Variants in NBPF14 observed in about 807,000 individuals in gnomAD.
NBPF14 encodes NBPF member 14.
NBPF14 carries 104 observed loss-of-function variants against 91.2 expected under a neutral mutation model. The observed-to-expected ratio is 1.14, with a 90% CI of 0.97 to 1.34. The LOEUF (loss-of-function observed/expected upper bound fraction) is 1.34. Among genes scored for constraint, NBPF14 ranks in the 40% most tolerant of loss-of-function variants. The pLI, the probability that NBPF14 is intolerant of heterozygous loss-of-function variation, is 0.00. For synonymous variants in NBPF14, 294 were observed against 303.8 expected (o/e 0.97, Z 0.34); for missense variants, 908 against 783.0 (o/e 1.16, Z -1.91).
At chr1:148,535,796 GC>G (rs1476693259) in intron 67 of NBPF14, among the ~76,000 whole-genome samples, 1 of 125,838 alleles carries the variant, frequency 7.9e-6, no homozygotes, top group Non-Finnish European at 1.7e-5. Flanking sequence ...TAAAGCAAAT[GC>G]CCCCAAATGG....
rs1269169230 is a variant in NBPF14 at position 148,566,874 on chromosome 1, T to A, written c.3542+78A>T. On this transcript the variant is annotated intron_variant, in intron 28 of 70. Transcript: ENST00000619423. ...GGTTGAAAAGATGTAATCGATAATG[T>A]CAGCCCGCTCTGTTTTCCCTGAACC... The A allele has an allele frequency of 1.3e-4, 31 of 247,546 alleles. 1 individual carries two copies. In the African/African-American group the frequency reaches 1.4e-3, roughly 12 times the overall value. The allele number at this position is 247,546 out of a possible 1,614,324, so 15.3% of individuals were successfully genotyped here. A position where few individuals can be genotyped will look rare whatever the true frequency, so the allele number is the denominator to read the frequency against.
In NBPF14 at chr1:148,534,591, C is replaced by T. The variant is rs1273699681; in HGVS notation, c.8614+93G>A. On this transcript the variant is annotated intron_variant, in intron 69 of 70. Transcript: ENST00000619423. ...TAGGTCCTGCCTGCGGCAATGACAT[C>T]TCTCGGGTGAGTAAGGGCCACTTGG... The T allele has an allele frequency of 3.8e-5, 33 of 861,586 alleles. No individual in the cohort carries two copies. The East Asian group carries it at 4.3e-4, about 11-fold the overall frequency. 53.4% of individuals were successfully genotyped at this position (861,586 alleles called of 1,614,324 possible).
At chr1:148,535,198 A>G (rs1197740810) in intron 68 of NBPF14, among the ~76,000 whole-genome samples, 1 of 149,942 alleles carries the variant, frequency 6.7e-6, no homozygotes, top group Non-Finnish European at 1.5e-5. Flanking sequence ...ATAATTTTCC[A>G]TAAACTTGCT....
rs1657709203 is a variant in NBPF14, at chr1:148,561,392, T to G, written c.4447+15A>C. 4 of 296,874 alleles carry G rather than the reference T, an allele frequency of 1.3e-5. No individual in the cohort carries two copies. The highest frequency in any genetic ancestry group is 2.3e-5 in the Non-Finnish European group (4 of 176,378). 18.4% of individuals were successfully genotyped at this position (296,874 alleles called of 1,614,324 possible). On this transcript the variant is annotated intron_variant, in intron 35 of 70. Coordinates refer to ENST00000619423, the Ensembl canonical transcript of NBPF14. ...ACTCAGTGGATCCTCATCACCTTCATAGAAAGGTACTCACCTCCCACGTCA... is the reference window on the plus strand; with the variant it reads ...ACTCAGTGGATCCTCATCACCTTCAGAGAAAGGTACTCACCTCCCACGTCA...
chr1:148,534,201 C>G (rs1409939257), intron 69 of NBPF14, among the ~76,000 whole-genome samples: 4 of 150,578 alleles, frequency 2.7e-5, no homozygotes, highest in African/African-American at 9.8e-5. Flanking sequence ...ATCCCAATAT[C>G]ATTTGTCCCA....
chr1:148,567,092 C>G, intron 27 of NBPF14, 89 bp from the exon 28 acceptor site: 3 of 163,526 alleles, frequency 1.8e-5, no homozygotes, highest in Admixed American at 2.3e-4. Context: ...ACAGGGATCT[C>G]AGGCTCCTCA....
chr1:148,577,072 C>T, intron 15 of NBPF14, 111 bp downstream of exon 15: 6 of 676,456 alleles, frequency 8.9e-6, no homozygotes, highest in South Asian at 5.0e-5. Context: ...CCTATAGGTT[C>T]TCCCTGTGGC....
chr1:148,577,429 G>A lies in NBPF14; in HGVS notation c.1854-74C>T, dbSNP rs1331353619. 9.1e-6 allele frequency: 6 copies of A among 660,740 alleles called. 1 individual carries two copies. The highest frequency in any genetic ancestry group is 1.7e-5 in the Non-Finnish European group (6 of 361,926). 40.9% of individuals were successfully genotyped at this position (660,740 alleles called of 1,614,324 possible). ...CACACAGCCCCAGCTAGATTTCATG[G>A]CTAACGTAAGGAAGAGTTTGAAAAG... On this transcript the variant is annotated intron_variant, in intron 14 of 70. Coordinates refer to ENST00000619423, the Ensembl canonical transcript of NBPF14.
At chr1:148,577,486 A>G (rs1162294617) in intron 14 of NBPF14, 131 bp from the exon 15 acceptor site, 5 of 705,272 alleles carry the variant, frequency 7.1e-6, no homozygotes, top group Non-Finnish European at 1.3e-5. Flanking sequence ...GAGGTAACAA[A>G]TTATTGCCTT....
Position 148,533,197 on chromosome 1 carries a change from T to A in NBPF14, c.8775A>T (p.Ser2925=). ...ACGGAGTCGAATAACATCTATCCAGTGAGTCCTGTAAGACTTCACGCTCTT... is the reference window on the plus strand; with the variant it reads ...ACGGAGTCGAATAACATCTATCCAGAGAGTCCTGTAAGACTTCACGCTCTT... The change falls in exon 71 of 71, where the codon TCA becomes TCT. Residue 2925 remains serine (S), a synonymous_variant. Coordinates refer to ENST00000619423, the Ensembl canonical transcript of NBPF14. The A allele has an allele frequency of 1.6e-5, 11 of 684,524 alleles. No homozygotes were observed. The South Asian group carries it at 2.0e-4, about 12-fold the overall frequency. 42.4% of individuals were successfully genotyped at this position (684,524 alleles called of 1,614,324 possible). A position where few individuals can be genotyped will look rare whatever the true frequency, so the allele number is the denominator to read the frequency against.
At chr1:148,577,702 C>G (rs1266359336) in intron 14 of NBPF14, among the ~76,000 whole-genome samples, 2 of 145,556 alleles carry the variant, frequency 1.4e-5, no homozygotes, top group Non-Finnish European at 3.0e-5. Context: ...AGCATGTCCT[C>G]AATAATTTTG....
chr1:148,577,817 A>G (rs1660204407), intron 14 of NBPF14, among the ~76,000 whole-genome samples, 166 bp downstream of exon 14: 2 of 138,528 alleles, frequency 1.4e-5, no homozygotes, highest in Admixed American at 7.3e-5. Context: ...GAAGAAATGG[A>G]AACCTAAACA....
At position 148,559,978 on chromosome 1, in the gene NBPF14, A is replaced by T; in HGVS notation, c.4557-13T>A. On this transcript the variant is annotated splice_polypyrimidine_tract_variant and intron_variant, in intron 36 of 70. Transcript: ENST00000619423. ...CTCCCTGCTGAGCCTGGAAAAGTGG[A>T]AAAAAGTAAAGAATAAGCCAGGGGG... 2.7e-6 allele frequency: 3 copies of T among 1,098,270 alleles called. No individual in the cohort carries two copies. The highest frequency in any genetic ancestry group is 3.8e-6 in the Non-Finnish European group (3 of 789,214). 68.0% of individuals were successfully genotyped at this position (1,098,270 alleles called of 1,614,324 possible).
At chr1:148,587,302 T>A in exon 8 of NBPF14, 1 of 1,578,244 alleles carries the variant, frequency 6.3e-7, no homozygotes, top group Non-Finnish European at 8.7e-7. Context: ...TCCCCTCACC[T>A]GAGCTCCTCA....
intron 9 of NBPF14, among the ~76,000 whole-genome samples, chr1:148,585,566 C>A (rs1456603822): frequency 6.7e-6 from 1 of 149,502 alleles, no homozygotes; most frequent in Non-Finnish European, 1.5e-5. Flanking sequence ...GTTTGCATTT[C>A]AAACCTCATT....
chr1:148,533,988 T>C lies in NBPF14; in HGVS notation c.8615-19A>G, dbSNP rs1180250089. 1,827 of 699,086 alleles carry C rather than the reference T, an allele frequency of 2.6e-3. 23 individuals are homozygous for C. The highest frequency in any genetic ancestry group is 0.011 in the South Asian group (761 of 67,998). 43.3% of individuals were successfully genotyped at this position (699,086 alleles called of 1,614,324 possible). A position where few individuals can be genotyped will look rare whatever the true frequency, so the allele number is the denominator to read the frequency against. On this transcript the variant is annotated intron_variant, in intron 69 of 70. Transcript: ENST00000619423. ...TCAATTTCTGCAATAAATTCAGACATGGACAGACACATTAAGCTGATTCCC... is the reference window on the plus strand; with the variant it reads ...TCAATTTCTGCAATAAATTCAGACACGGACAGACACATTAAGCTGATTCCC...
chr1:148,533,802 G>C, intron 70 of NBPF14, 59 bp downstream of exon 70: 1 of 766,342 alleles, frequency 1.3e-6, no homozygotes. Context: ...TGGTTTCCCT[G>C]AATCTGTTGC....
Position 148,587,541 on chromosome 1 carries a change from C to G in NBPF14, c.989-138G>C, listed in dbSNP as rs1253231115. 6.1e-6 allele frequency: 6 copies of G among 986,812 alleles called. 1 individual carries two copies. Among genetic ancestry groups the G allele is most frequent in the Non-Finnish European group, 7.6e-6 (5 of 656,104 alleles). The allele number at this position is 986,812 out of a possible 1,614,324, so 61.1% of individuals were successfully genotyped here. ...AGGGTCTAGACAGGGATTTCAACAT[C>G]TTTACTCTTCAGTCTCCTGACTTTC... On this transcript the variant is annotated intron_variant, in intron 7 of 70. Transcript: ENST00000619423.
intron 9 of NBPF14, 115 bp from the exon 10 acceptor site, chr1:148,585,328 A>C: frequency 3.1e-6 from 2 of 644,620 alleles, no homozygotes; most frequent in Non-Finnish European, 5.5e-6. Flanking sequence ...GTTCAACTGA[A>C]AACTCTCATG....
Sources: gnomAD v4.1 joint callset for allele counts (sites outside exome capture counted in the v4.1 genomes callset) on GRCh38, gnomAD v4.1.1 for gene constraint, MANE v1.5 for transcripts, NCBI Gene and HGNC (gene_info 2026-07-23, HGNC 2026-07-21) for gene names.